PCDHGB4: variants seen among roughly 807,000 people sequenced by gnomAD.
The protein encoded by PCDHGB4 is protocadherin gamma subfamily B, 4, also known as protocadherin gamma-B4.
A neutral mutation model predicts 60.5 loss-of-function variants in PCDHGB4; 38 were observed. The ratio of observed to expected loss-of-function variants is 0.63; its 90% CI spans 0.48 to 0.82. The LOEUF is 0.82. PCDHGB4 is among the 40% of genes least tolerant of loss of function. The pLI is 0.00. For synonymous variants in PCDHGB4, 456 were observed against 509.7 expected (o/e 0.89, Z 1.42); for missense variants, 1,109 against 1,209.6 (o/e 0.92, Z 1.23).
chr5:141,505,779 T>G (rs1420143439), intron 3 of PCDHGB4, among the ~76,000 whole-genome samples: 1 of 139,496 alleles, frequency 7.2e-6, no homozygotes, highest in Non-Finnish European at 1.6e-5. Flanking sequence ...GTCCTAGCTC[T>G]GCTACTATCC....
Position 141,477,098 on chromosome 5 carries a change from G to A in PCDHGB4, c.2398-17709G>A, listed in dbSNP as rs1562059777. 1.9e-6 allele frequency: 3 copies of A among 1,614,124 alleles called. No individual in the cohort carries two copies. The highest frequency in any genetic ancestry group is 3.3e-5 in the Admixed American group (2 of 60,008). The stretch of plus-strand genomic sequence containing the variant: ...GATTTACATCCAGGCCAAAGACAAG[G>A]GCGCCAATCCCGAAGGAGCACATTG... On this transcript the variant is annotated intron_variant, in intron 1 of 3. Coordinates refer to ENST00000519479, the MANE Select transcript of PCDHGB4 (RefSeq NM_003736.4). This position sits in a 1 kb window ranked among gnomAD's most constrained non-coding sequence, Gnocchi z 4.9.
chr5:141,394,547 G>A, intron 1 of PCDHGB4: 8 of 1,614,098 alleles, frequency 5.0e-6, no homozygotes, highest in Non-Finnish European at 6.8e-6. Context: ...TGGAGCTGGC[G>A]CCCCGCTCCG....
chr5:141,449,708 AT>A (rs2098652573), intron 1 of PCDHGB4, among the ~76,000 whole-genome samples: 1 of 151,520 alleles, frequency 6.6e-6, no homozygotes. Context: ...CAAACACATT[AT>A]TTTTATATGA....
Position 141,476,878 on chromosome 5 carries a change from G to A in PCDHGB4, c.2398-17929G>A. 2 of 1,613,960 alleles carry A rather than the reference G, an allele frequency of 1.2e-6. No homozygotes were observed. The highest frequency in any genetic ancestry group is 1.7e-6 in the Non-Finnish European group (2 of 1,180,034). Reference sequence around the variant, plus strand: ...AGTCCTTGTACCGGGCGCGCGTCCTGGAGGATGCACCCTCCGGCACGCGCG... The same window carrying A: ...AGTCCTTGTACCGGGCGCGCGTCCTAGAGGATGCACCCTCCGGCACGCGCG... On this transcript the variant is annotated intron_variant, in intron 1 of 3. Transcript: ENST00000519479. This position sits in a 1 kb window ranked among gnomAD's most constrained non-coding sequence, Gnocchi z 7.6.
chr5:141,486,175 C>T lies in PCDHGB4; in HGVS notation c.2398-8632C>T. ...GTTCTCCAGCCATGGAGCAACATTG[C>T]AGCCTTCGAGTGGATCTGCTGGACG... On this transcript the variant is annotated intron_variant, in intron 1 of 3. Transcript: ENST00000519479. The surrounding 1 kb of genome is among the most constrained non-coding windows in gnomAD (Gnocchi z 5.0). 1 of 1,614,210 alleles carries T rather than the reference C, an allele frequency of 6.2e-7. No individual in the cohort carries two copies.
rs1230521211 is a variant in PCDHGB4, at chr5:141,389,323, G to A, written c.1439G>A (p.Gly480Glu). 1 of 1,613,862 alleles carries A rather than the reference G, an allele frequency of 6.2e-7. No homozygotes were observed. The change falls in exon 1 of 4, where the codon GGG (glycine) becomes GAG (glutamate). Residue 480 changes from glycine to glutamate, a missense_variant. Transcript: ENST00000519479. Reference sequence around the variant, plus strand: ...GTCAGGGCTTCTGATCCGGACTTGGGGCCCAACGGCCAAGTCTCTTACTGC... The same window carrying A: ...GTCAGGGCTTCTGATCCGGACTTGGAGCCCAACGGCCAAGTCTCTTACTGC... Reference protein sequence around the residue: ...SQVRASDPDLGPNGQVSYCIM... With the variant: ...SQVRASDPDLEPNGQVSYCIM...
At position 141,432,673 on chromosome 5, in the gene PCDHGB4, C is replaced by A. The variant is rs770930842; in HGVS notation, c.2397+42392C>A. 5 of 1,613,922 alleles carry A rather than the reference C, an allele frequency of 3.1e-6. No homozygotes were observed. Among genetic ancestry groups the A allele is most frequent in the Non-Finnish European group, 4.2e-6 (5 of 1,179,960 alleles). On this transcript the variant is annotated intron_variant, in intron 1 of 3. Coordinates refer to ENST00000519479, the MANE Select transcript of PCDHGB4 (RefSeq NM_003736.4). This position sits in a 1 kb window ranked among gnomAD's most constrained non-coding sequence, Gnocchi z 6.0. ...GAGCCCTGCTGGACAGAGACGCGCTCAAGCAGAGCCTCGTAGTGGCCGTCC... is the reference window on the plus strand; with the variant it reads ...GAGCCCTGCTGGACAGAGACGCGCTAAAGCAGAGCCTCGTAGTGGCCGTCC...
At chr5:141,433,381 A>ATCTC (rs1561869478) in intron 1 of PCDHGB4, among the ~76,000 whole-genome samples, 1 of 151,148 alleles carries the variant, frequency 6.6e-6, no homozygotes, top group Admixed American at 6.6e-5. Flanking sequence ...CTATCTATCT[A>ATCTC]TCTATCTATC....
chr5:141,476,868 C>T lies in PCDHGB4; in HGVS notation c.2398-17939C>T, dbSNP rs1213404395. On this transcript the variant is annotated intron_variant, in intron 1 of 3. Coordinates refer to ENST00000519479, the MANE Select transcript of PCDHGB4 (RefSeq NM_003736.4). This position sits in a 1 kb window ranked among gnomAD's most constrained non-coding sequence, Gnocchi z 7.6. ...GTCTTCAACCAGTCCTTGTACCGGG[C>T]GCGCGTCCTGGAGGATGCACCCTCC... 3 of 1,613,874 alleles carry T rather than the reference C, an allele frequency of 1.9e-6. No individual in the cohort carries two copies. Among genetic ancestry groups the T allele is most frequent in the Admixed American group, 3.3e-5 (2 of 60,026 alleles).
Position 141,491,029 on chromosome 5 carries a change from G to T in PCDHGB4, c.2398-3778G>T. 1 of 1,614,172 alleles carries T rather than the reference G, an allele frequency of 6.2e-7. No homozygotes were observed. The highest frequency in any genetic ancestry group is 1.1e-5 in the South Asian group (1 of 91,088). On this transcript the variant is annotated intron_variant, in intron 1 of 3. Coordinates refer to ENST00000519479, the MANE Select transcript of PCDHGB4 (RefSeq NM_003736.4). The surrounding 1 kb of genome is among the most constrained non-coding windows in gnomAD (Gnocchi z 6.9). ...GGTCACCAAGGTGACAGCCGTGGAT[G>T]CTGATGCAGGCCACAATGCGTGGCT...
At chr5:141,451,107 C>T (rs768308463) in intron 1 of PCDHGB4, among the ~76,000 whole-genome samples, 3 of 152,118 alleles carry the variant, frequency 2.0e-5, no homozygotes, top group Non-Finnish European at 4.4e-5. Flanking sequence ...GGATTACAGG[C>T]GTGAGCCACC....
chr5:141,505,284 G>A, intron 2 of PCDHGB4, 109 bp from the exon 3 acceptor site: 1 of 1,548,402 alleles, frequency 6.5e-7, no homozygotes. Flanking sequence ...CAGGTCTTGG[G>A]CATGGGGTAG....
chr5:141,500,433 T>A (rs1398344932), intron 2 of PCDHGB4, among the ~76,000 whole-genome samples: 17 of 151,882 alleles, frequency 1.1e-4, no homozygotes, highest in East Asian at 7.8e-4. Flanking sequence ...ATGGTCTCGA[T>A]CTCCTGACCT....
intron 1 of PCDHGB4, chr5:141,414,273 G>A: frequency 6.2e-7 from 1 of 1,613,418 alleles, no homozygotes; most frequent in Non-Finnish European, 8.5e-7. Flanking sequence ...ATTCACCTCT[G>A]GGAACAGTCG....
At position 141,431,017 on chromosome 5, in the gene PCDHGB4, G is replaced by A. The variant is rs768036730; in HGVS notation, c.2397+40736G>A. 2.5e-6 allele frequency: 4 copies of A among 1,613,768 alleles called. No homozygotes were observed. Among genetic ancestry groups the A allele is most frequent in the South Asian group, 1.1e-5 (1 of 91,084 alleles). ...ATCCGCGCAGCGGCAGCTTGGTCAC[G>A]GCGGGCAGGATAGACCGGGAGGAGC... On this transcript the variant is annotated intron_variant, in intron 1 of 3. Transcript: ENST00000519479. This position sits in a 1 kb window ranked among gnomAD's most constrained non-coding sequence, Gnocchi z 4.8.
Position 141,388,225 on chromosome 5 carries a change from T to C in PCDHGB4, c.341T>C (p.Leu114Pro). Residue 114 changes from leucine to proline, a missense_variant, in exon 1 of 4, where the codon CTG (leucine) becomes CCG (proline). By Grantham distance (98) the Leu-to-Pro change is moderately conservative. Transcript: ENST00000519479. Reference sequence around the variant, plus strand: ...TTTGAGGCTGTTGCTGAAAATCCACTGAACTTTTATCACGTGAATGTGGAG... The same window carrying C: ...TTTGAGGCTGTTGCTGAAAATCCACCGAACTTTTATCACGTGAATGTGGAG... ...LEFEAVAENPLNFYHVNVEIE... is the reference protein window; with the variant it reads ...LEFEAVAENPPNFYHVNVEIE... 6.2e-7 allele frequency: 1 copy of C among 1,604,858 alleles called. No homozygotes were observed. The highest frequency in any genetic ancestry group is 8.5e-7 in the Non-Finnish European group (1 of 1,173,128).
rs751024373 is a variant in PCDHGB4, at chr5:141,491,801, G to A, written c.2398-3006G>A. On this transcript the variant is annotated intron_variant, in intron 1 of 3. Coordinates refer to ENST00000519479, the MANE Select transcript of PCDHGB4 (RefSeq NM_003736.4). The surrounding 1 kb of genome is among the most constrained non-coding windows in gnomAD (Gnocchi z 6.9). ...AACTTGCATCCACTCCTCTCCGGCC[G>A]GCTTGGTCGCTGGCTGCGCTCCACC... 2.7e-6 allele frequency: 4 copies of A among 1,500,726 alleles called. No homozygotes were observed. The Admixed American group carries it at 7.3e-5, about 28-fold the overall frequency. 93.0% of individuals were successfully genotyped at this position (1,500,726 alleles called of 1,614,324 possible). A position where few individuals can be genotyped will look rare whatever the true frequency, so the allele number is the denominator to read the frequency against.
At position 141,432,143 on chromosome 5, in the gene PCDHGB4, C is replaced by A; in HGVS notation, c.2397+41862C>A. The A allele has an allele frequency of 6.2e-7, 1 of 1,614,084 alleles. No homozygotes were observed. Among genetic ancestry groups the A allele is most frequent in the South Asian group, 1.1e-5 (1 of 91,068 alleles). On this transcript the variant is annotated intron_variant, in intron 1 of 3. Transcript: ENST00000519479. The surrounding 1 kb of genome is among the most constrained non-coding windows in gnomAD (Gnocchi z 6.0). ...TCAGGCCTCCTATTCCGCTTATATC[C>A]CAGAGAACAATCCCAGAGGAGTTTC... is the stretch of plus-strand genomic sequence containing the variant.
chr5:141,417,875 G>A, intron 1 of PCDHGB4: 1 of 1,556,360 alleles, frequency 6.4e-7, no homozygotes, highest in South Asian at 1.2e-5. Flanking sequence ...AGGGAGCTGC[G>A]CGCAGAGGCG....
Sources: gnomAD v4.1 joint callset for allele counts (sites outside exome capture counted in the v4.1 genomes callset) on GRCh38, gnomAD v4.1.1 for gene constraint, Gnocchi (gnomAD v3.1) non-coding constraint, MANE v1.5 for transcripts, NCBI Gene and HGNC (gene_info 2026-07-23, HGNC 2026-07-21) for gene names.